The following RRAGC variants were observed in gnomAD, a reference collection of about 807,000 sequenced individuals.
The protein encoded by RRAGC is Ras related GTP binding C.
RRAGC carries 8 observed loss-of-function variants against 37.1 expected under a neutral mutation model. The ratio of observed to expected loss-of-function variants is 0.22; its 90% CI spans 0.13 to 0.39. The LOEUF (loss-of-function observed/expected upper bound fraction) is 0.39. Ranked by LOEUF, RRAGC falls within the 10% of genes least tolerant of loss-of-function variation. The probability of loss-of-function intolerance (pLI) is 1.00; values close to 1 mark genes in which losing one functional copy is unlikely to be tolerated. For missense variants in RRAGC, 342 were observed against 497.6 expected, an observed-to-expected ratio of 0.69 and a Z score of 2.98; for synonymous variants, 190 against 181.1, an observed-to-expected ratio of 1.05 and a Z score of -0.39.
At chr1:38,856,578 C>T (rs1225662035) in intron 2 of RRAGC, 1 of 219,098 alleles carries the variant, frequency 4.6e-6, no homozygotes, top group East Asian at 1.0e-4. Flanking sequence ...CAGGGAATAA[C>T]ATCACTATTA....
At chr1:38,849,781 T>C (rs1642075989) in intron 5 of RRAGC, among the ~76,000 whole-genome samples, 2 of 152,202 alleles carry the variant, frequency 1.3e-5, no homozygotes, top group African/African-American at 4.8e-5. Flanking sequence ...AAAAAGTTGG[T>C]TTATGAAATT....
intron 1 of RRAGC, 70 bp from the exon 2 acceptor site, chr1:38,857,152 T>C: frequency 7.8e-7 from 1 of 1,280,372 alleles, no homozygotes; most frequent in Non-Finnish European, 1.1e-6. Context: ...TCCACCCTGG[T>C]TTAACATTTA....
At chr1:38,846,176 C>T (rs1642025271) in intron 5 of RRAGC, 89 bp from the exon 6 acceptor site, 2 of 1,015,492 alleles carry the variant, frequency 2.0e-6, no homozygotes, top group Non-Finnish European at 3.0e-6. Flanking sequence ...ACCCAGTTTC[C>T]CAAATGTCTC....
At chr1:38,859,372 C>A (rs1227961906) in intron 1 of RRAGC, 38 bp downstream of exon 1, 9 of 1,532,746 alleles carry the variant, frequency 5.9e-6, no homozygotes, top group East Asian at 2.5e-5. Flanking sequence ...ACCTGAGAAC[C>A]GGGGAGGGGG....
chr1:38,858,042 G>A (rs1301930170), intron 1 of RRAGC, among the ~76,000 whole-genome samples: 1 of 152,098 alleles, frequency 6.6e-6, no homozygotes, highest in Non-Finnish European at 1.5e-5. Context: ...CTGTCTAGAA[G>A]AGAAAAGTGA....
intron 3 of RRAGC, 40 bp downstream of exon 3, chr1:38,855,668 C>A (rs1431863875): frequency 1.3e-6 from 2 of 1,504,736 alleles, no homozygotes; most frequent in Non-Finnish European, 9.3e-7. Context: ...TACATTTACA[C>A]CTTGTTCAGG....
intron 3 of RRAGC, among the ~76,000 whole-genome samples, chr1:38,853,855 A>G (rs1473979786): frequency 6.6e-6 from 1 of 152,050 alleles, no homozygotes; most frequent in Non-Finnish European, 1.5e-5. Context: ...GGCCAAGATG[A>G]CCCCATAGAT....
chr1:38,856,774 C>T (rs1488847148), intron 2 of RRAGC, 105 bp downstream of exon 2: 3 of 1,088,536 alleles, frequency 2.8e-6, no homozygotes, highest in African/African-American at 3.1e-5. Flanking sequence ...GAATCTACTG[C>T]CAAAGAGATA....
chr1:38,859,299 G>C (rs554745434), intron 1 of RRAGC, 111 bp downstream of exon 1: 1 of 1,006,210 alleles, frequency 9.9e-7, no homozygotes, highest in South Asian at 1.6e-5. Context: ...AAGAGAAAGT[G>C]CGGAGGGACG....
intron 5 of RRAGC, chr1:38,846,324 G>GA: frequency 2.4e-6 from 1 of 418,418 alleles, no homozygotes; most frequent in South Asian, 3.7e-5. Flanking sequence ...CAGACATTTG[G>GA]AGAAAAAGGT....
Position 38,838,630 on chromosome 1 carries a change from C to T in RRAGC, c.*923G>A, listed in dbSNP as rs192442009. On this transcript the variant is annotated 3_prime_UTR_variant, in exon 7 of 7. Transcript: ENST00000373001. ...GCAGCACCACGTGCTCACTCCAACT[C>T]CCAGTGGACAGTCCCCCAATGCCTT... The T allele has an allele frequency of 2.6e-5, 4 of 152,354 alleles. No homozygotes were observed. The East Asian group carries it at 7.7e-4, about 29-fold the overall frequency. The allele number at this position is 152,354 out of a possible 1,614,324, so 9.4% of individuals were successfully genotyped here.
rs897686573 is a variant in RRAGC at position 38,859,755 on chromosome 1, C to T, written c.-109G>A. On this transcript the variant is annotated 5_prime_UTR_variant, in exon 1 of 7. Transcript: ENST00000373001. ...CCGCCGCCACCACCGCCACCGCCCC[C>T]GGCAGCCGCCACAGTCCGGCCCGCC... 4 of 981,258 alleles carry T rather than the reference C, an allele frequency of 4.1e-6. No homozygotes were observed. The highest frequency in any genetic ancestry group is 3.4e-5 in the African/African-American group (2 of 58,198). 60.8% of individuals were successfully genotyped at this position (981,258 alleles called of 1,614,324 possible).
In RRAGC at chr1:38,838,880, C is replaced by T. The variant is rs565956146; in HGVS notation, c.*673G>A. On this transcript the variant is annotated 3_prime_UTR_variant, in exon 7 of 7. Transcript: ENST00000373001. ...GAACCCAGACATCTGGTACTCAGAACATAGGTGCAAAAATTTTCTTCCATT... is the reference window on the plus strand; with the variant it reads ...GAACCCAGACATCTGGTACTCAGAATATAGGTGCAAAAATTTTCTTCCATT... 6.6e-6 allele frequency: 1 copy of T among 152,304 alleles called. No homozygotes were observed. Among genetic ancestry groups the T allele is most frequent in the South Asian group, 2.1e-4 (1 of 4,824 alleles). The allele number at this position is 152,304 out of a possible 1,614,324, so 9.4% of individuals were successfully genotyped here. A position where few individuals can be genotyped will look rare whatever the true frequency, so the allele number is the denominator to read the frequency against.
rs552037797 is a variant in RRAGC, at chr1:38,849,422, C to T, written c.899+2193G>A. Among the ~76,000 whole-genome samples the T allele has an allele frequency of 3.5e-4, 54 of 152,248 alleles. No individual in the cohort carries two copies. In the East Asian group the frequency reaches 9.9e-3, roughly 28 times the overall value. The stretch of plus-strand genomic sequence containing the variant: ...AAAATGTATTGGCTGGGAGTGGTAG[C>T]TCACGCCTGTAATCCCAGCACTTTG... On this transcript the variant is annotated intron_variant, in intron 5 of 6. Transcript: ENST00000373001.
intron 6 of RRAGC, among the ~76,000 whole-genome samples, chr1:38,840,365 T>C (rs1378146281): frequency 6.6e-6 from 1 of 152,196 alleles, no homozygotes; most frequent in African/African-American, 2.4e-5. Flanking sequence ...TTCAATAGTT[T>C]ATATTTGATT....
intron 3 of RRAGC, among the ~76,000 whole-genome samples, chr1:38,855,119 A>G (rs1470613092): frequency 4.6e-5 from 7 of 152,226 alleles, no homozygotes; most frequent in Non-Finnish European, 1.5e-5. Flanking sequence ...CATTTATAAG[A>G]TAAACCCACC....
intron 3 of RRAGC, among the ~76,000 whole-genome samples, chr1:38,854,685 A>T (rs1029494992): frequency 2.0e-5 from 3 of 152,220 alleles, no homozygotes; most frequent in Non-Finnish European, 4.4e-5. Flanking sequence ...TTTTCAAATT[A>T]TTTAGAAATT....
At chr1:38,845,483 G>A (rs61780033) in intron 6 of RRAGC, among the ~76,000 whole-genome samples, 2,176 of 152,270 alleles carry the variant, frequency 0.014, 31 homozygotes, top group Non-Finnish European at 0.024. Flanking sequence ...TCAGGGGTGG[G>A]TGGCTGGGGG....
chr1:38,856,713 T>A lies in RRAGC; in HGVS notation c.441+166A>T, dbSNP rs1570871528. On this transcript the variant is annotated intron_variant, in intron 2 of 6. Transcript: ENST00000373001. ...CATCTGATATTCTGTACCTGCACAA[T>A]GCATGTCTGCTCCCAAAGCACTCTG... The A allele has an allele frequency of 3.2e-5, 20 of 624,190 alleles. No homozygotes were observed. The East Asian group carries it at 5.2e-4, about 16-fold the overall frequency. The allele number at this position is 624,190 out of a possible 1,614,324, so 38.7% of individuals were successfully genotyped here. A position where few individuals can be genotyped will look rare whatever the true frequency, so the allele number is the denominator to read the frequency against.
Sources: allele counts gnomAD v4.1 joint callset (sites outside exome capture counted in the v4.1 genomes callset), GRCh38; gene constraint gnomAD v4.1.1; transcripts MANE v1.5; gene names NCBI Gene and HGNC (gene_info 2026-07-23, HGNC 2026-07-21).